Variants in KPNA6 observed in about 807,000 individuals in gnomAD.
The protein encoded by KPNA6 is karyopherin subunit alpha 6, also known as importin subunit alpha-7.
A neutral mutation model predicts 72.0 loss-of-function variants in KPNA6; 9 were observed. That is an observed-to-expected ratio of 0.13 (90% CI 0.08 to 0.22). The LOEUF (loss-of-function observed/expected upper bound fraction) is 0.22, where lower values mean the gene tolerates loss of function less well. Among genes scored for constraint, KPNA6 ranks in the 10% least tolerant of loss-of-function variants. KPNA6 has a pLI of 1.00. For missense variants in KPNA6, 374 were observed against 655.7 expected (o/e 0.57, Z 4.69); for synonymous variants, 219 against 242.1 (o/e 0.90, Z 0.89).
intron 1 of KPNA6, among the ~76,000 whole-genome samples, chr1:32,140,196 A>G (rs759861642): frequency 1.4e-4 from 22 of 152,166 alleles, no homozygotes; most frequent in Non-Finnish European, 2.8e-4. Context: ...AAGCCTGGCC[A>G]ACATGGTGAA....
intron 2 of KPNA6, 102 bp from the exon 3 acceptor site, chr1:32,156,751 C>A: frequency 1.2e-6 from 1 of 837,620 alleles, no homozygotes; most frequent in Non-Finnish European, 1.9e-6. Context: ...TTCTCAGCTA[C>A]TCTAGTATAT....
At chr1:32,159,252 C>T (rs902793666) in intron 5 of KPNA6, 148 bp from the exon 6 acceptor site, 4 of 737,012 alleles carry the variant, frequency 5.4e-6, no homozygotes, top group African/African-American at 1.8e-5. Context: ...GTTTTAAATT[C>T]GTGGGCAAGA....
intron 1 of KPNA6, among the ~76,000 whole-genome samples, chr1:32,128,351 C>T (rs1293537235): frequency 8.1e-6 from 1 of 124,166 alleles, no homozygotes; most frequent in Non-Finnish European, 1.7e-5. Context: ...ACTAGAAGAA[C>T]TAGGAATATA....
chr1:32,159,517 G>A lies in KPNA6; in HGVS notation c.544G>A (p.Asp182Asn). The A allele has an allele frequency of 6.2e-7, 1 of 1,613,990 alleles. No individual in the cohort carries two copies. Among genetic ancestry groups the A allele is most frequent in the South Asian group, 1.1e-5 (1 of 91,046 alleles). Reference protein sequence around the residue: ...FIELLNSDFEDVQEQAVWALG... With the variant: ...FIELLNSDFENVQEQAVWALG... ...AGAGCTGCTTAATTCAGACTTTGAG[G>A]ATGTTCAGGAACAGGTAATGCTTAG... The change falls in exon 6 of 14, where the codon GAT becomes AAT. Residue 182 changes from aspartate (D) to asparagine (N), a missense_variant. This residue lies in a region of KPNA6 where 298 missense variants were observed against 495.4 expected (regional missense o/e 0.60). Coordinates refer to ENST00000373625, the MANE Select transcript of KPNA6 (RefSeq NM_012316.5).
intron 1 of KPNA6, among the ~76,000 whole-genome samples, chr1:32,144,033 C>T (rs1036055818): frequency 1.3e-5 from 2 of 152,148 alleles, no homozygotes; most frequent in Admixed American, 6.5e-5. Flanking sequence ...TGGTACCAAA[C>T]CCTATATACT....
intron 6 of KPNA6, 29 bp downstream of exon 6, chr1:32,159,560 A>G: frequency 6.2e-7 from 1 of 1,608,196 alleles, no homozygotes; most frequent in Non-Finnish European, 8.5e-7. Flanking sequence ...GTGATTCTTT[A>G]TAGTACCTGT....
At chr1:32,115,665 T>A (rs551583112) in intron 1 of KPNA6, among the ~76,000 whole-genome samples, 2 of 152,170 alleles carry the variant, frequency 1.3e-5, no homozygotes, top group African/African-American at 2.4e-5. Context: ...CCTCAAGTGA[T>A]CCTTATTCCT....
At chr1:32,120,712 G>A (rs1164616408) in intron 1 of KPNA6, among the ~76,000 whole-genome samples, 4 of 149,508 alleles carry the variant, frequency 2.7e-5, no homozygotes, top group South Asian at 4.3e-4. Context: ...GATTACAGGC[G>A]CCTGCCATCA....
At chr1:32,140,593 T>A (rs1219427785) in intron 1 of KPNA6, among the ~76,000 whole-genome samples, 1 of 152,180 alleles carries the variant, frequency 6.6e-6, no homozygotes, top group Non-Finnish European at 1.5e-5. Flanking sequence ...TATCAAACTT[T>A]TAGTGTTTAA....
intron 10 of KPNA6, among the ~76,000 whole-genome samples, chr1:32,165,424 C>G (rs1253341091): frequency 1.3e-5 from 2 of 151,930 alleles, no homozygotes; most frequent in Admixed American, 1.3e-4. Flanking sequence ...TGCAGTGGCT[C>G]ATGCCTGTAA....
chr1:32,167,727 G>A lies in KPNA6; in HGVS notation c.1244+431G>A, dbSNP rs1041284404. On this transcript the variant is annotated intron_variant, in intron 12 of 13. Coordinates refer to ENST00000373625, the MANE Select transcript of KPNA6 (RefSeq NM_012316.5). The stretch of plus-strand genomic sequence containing the variant: ...TACGAAAGACAAAAATTAGCCGGGC[G>A]TGGTGGCATGTGCCTATAGTCCCAG... 7.2e-5 allele frequency among the ~76,000 whole-genome samples: 11 copies of A among 152,078 alleles called. 1 individual carries two copies. Among genetic ancestry groups the A allele is most frequent in the Admixed American group, 3.3e-4 (5 of 15,264 alleles).
intron 1 of KPNA6, among the ~76,000 whole-genome samples, chr1:32,127,288 T>A (rs1641552999): frequency 6.6e-6 from 1 of 152,222 alleles, no homozygotes; most frequent in Admixed American, 6.5e-5. Context: ...TGATGGAGTT[T>A]GAGGGTGAAC....
chr1:32,122,012 G>A (rs867494575), intron 1 of KPNA6, among the ~76,000 whole-genome samples: 7 of 149,458 alleles, frequency 4.7e-5, no homozygotes, highest in Non-Finnish European at 8.9e-5. Context: ...GGTGGCTCAC[G>A]CCTGTAATCC....
Position 32,162,014 on chromosome 1 carries a change from C to T in KPNA6, c.715C>T (p.Arg239Ter). The change falls in exon 8 of 14, where the codon CGA becomes TGA. Residue 239 changes from arginine to a stop codon, truncating the protein, a stop_gained. Coordinates refer to ENST00000373625, the MANE Select transcript of KPNA6 (RefSeq NM_012316.5). LOFTEE classifies it high-confidence loss of function. ...NAVWALSNLC[R>*]GKNPPPEFAK... ...AGTCTGGGCCCTGTCAAATCTCTGCCGAGGGAAAAACCCACCCCCAGAGTT... is the reference window on the plus strand; with the variant it reads ...AGTCTGGGCCCTGTCAAATCTCTGCTGAGGGAAAAACCCACCCCCAGAGTT... 1 of 1,613,972 alleles carries T rather than the reference C, an allele frequency of 6.2e-7. No homozygotes were observed. Among genetic ancestry groups the T allele is most frequent in the Admixed American group, 1.7e-5 (1 of 59,988 alleles).
Position 32,175,132 on chromosome 1 carries a change from A to G in KPNA6, c.*4238A>G, listed in dbSNP as rs532998065. The G allele has an allele frequency of 6.6e-6, 1 of 152,374 alleles. No individual in the cohort carries two copies. Among genetic ancestry groups the G allele is most frequent in the East Asian group, 1.9e-4 (1 of 5,186 alleles). The allele number at this position is 152,374 out of a possible 1,614,324, so 9.4% of individuals were successfully genotyped here. Reference sequence around the variant, plus strand: ...AAGGAAGAACTTGAGGTCAAGACCAACCAAATCTGTGAATTAAAGCTGTTA... The same window carrying G: ...AAGGAAGAACTTGAGGTCAAGACCAGCCAAATCTGTGAATTAAAGCTGTTA... On this transcript the variant is annotated 3_prime_UTR_variant, in exon 14 of 14. Transcript: ENST00000373625.
intron 1 of KPNA6, among the ~76,000 whole-genome samples, chr1:32,150,280 C>T (rs1286510598): frequency 2.7e-5 from 4 of 150,354 alleles, no homozygotes; most frequent in East Asian, 4.0e-4. Context: ...TTACAGGCAC[C>T]AGCTACCACG....
Position 32,157,390 on chromosome 1 carries a change from T to C in KPNA6, c.276T>C (p.Asp92=). Reference sequence around the variant, plus strand: ...AGATGGTGGAGATGCTCTTTTCTGATGATTCTGACCTGCAGTTAGCAACCA... The same window carrying C: ...AGATGGTGGAGATGCTCTTTTCTGACGATTCTGACCTGCAGTTAGCAACCA... ...TREMVEMLFS[D]DSDLQLATTQ... is the part of the protein sequence containing the mutation. Residue 92 remains aspartate (D), a synonymous_variant, in exon 4 of 14, where the codon GAT becomes GAC. Transcript: ENST00000373625. 1.2e-6 allele frequency: 2 copies of C among 1,614,084 alleles called. No individual in the cohort carries two copies. Among genetic ancestry groups the C allele is most frequent in the South Asian group, 1.1e-5 (1 of 91,086 alleles).
At chr1:32,157,982 T>C (rs1022296252) in intron 4 of KPNA6, among the ~76,000 whole-genome samples, 6 of 152,226 alleles carry the variant, frequency 3.9e-5, no homozygotes, top group Non-Finnish European at 7.3e-5. Flanking sequence ...AGACCATGGT[T>C]GTTCATCCCT....
At chr1:32,120,397 A>G (rs909250739) in intron 1 of KPNA6, among the ~76,000 whole-genome samples, 1 of 150,810 alleles carries the variant, frequency 6.6e-6, no homozygotes, top group Non-Finnish European at 1.5e-5. Flanking sequence ...GGCATGGACC[A>G]CCATGCCTCC....
Sources: gnomAD v4.1 joint callset for allele counts (sites outside exome capture counted in the v4.1 genomes callset) on GRCh38, gnomAD v4.1.1 for gene constraint, gnomAD v4.1.1 regional missense constraint, MANE v1.5 for transcripts, NCBI Gene and HGNC (gene_info 2026-07-23, HGNC 2026-07-21) for gene names.